FAM171B: variants seen among roughly 807,000 people sequenced by gnomAD.
The protein encoded by FAM171B is family with sequence similarity 171 member B.
In FAM171B, 19 loss-of-function variants were observed where a neutral mutation model predicts 75.6. That is an observed-to-expected ratio of 0.25 (90% confidence interval 0.18 to 0.37). The LOEUF (loss-of-function observed/expected upper bound fraction) is 0.37. Ranked by LOEUF, FAM171B falls within the 10% of genes least tolerant of loss-of-function variation. The pLI is 1.00. For synonymous variants in FAM171B, 367 were observed against 361.7 expected (o/e 1.01, Z -0.17); for missense variants, 848 against 982.4 (o/e 0.86, Z 1.83).
At chr2:186,742,609 C>A (rs918928285) in intron 2 of FAM171B, among the ~76,000 whole-genome samples, 2 of 151,986 alleles carry the variant, frequency 1.3e-5, no homozygotes. Flanking sequence ...ACTGTGTTTT[C>A]TCTTAAGAGA....
intron 3 of FAM171B, 121 bp downstream of exon 3, chr2:186,743,696 G>T: frequency 4.4e-6 from 3 of 674,434 alleles, no homozygotes; most frequent in Non-Finnish European, 7.7e-6. Flanking sequence ...AGTATGATTA[G>T]CACTGACTAT....
chr2:186,744,530 A>AT (rs1349860497), intron 3 of FAM171B, among the ~76,000 whole-genome samples: 5 of 152,008 alleles, frequency 3.3e-5, no homozygotes, highest in African/African-American at 9.7e-5. Flanking sequence ...TATTTGCCAG[A>AT]TTTTTTTTAT....
rs543531984 is a variant in FAM171B at position 186,764,165 on chromosome 2, C to T, written c.*1342C>T. ...TCCCTGAAGGCAAATGTCTGAAGCA[C>T]CTTTCCCTTGTGGGGGTAAAAATCC... On this transcript the variant is annotated 3_prime_UTR_variant, in exon 8 of 8. Coordinates refer to ENST00000304698, the MANE Select transcript of FAM171B (RefSeq NM_177454.4). 2 of 152,180 alleles carry T rather than the reference C, an allele frequency of 1.3e-5. No homozygotes were observed. The highest frequency in any genetic ancestry group is 6.6e-5 in the Admixed American group (1 of 15,254). The allele number at this position is 152,180 out of a possible 1,614,324, so 9.4% of individuals were successfully genotyped here.
intron 3 of FAM171B, among the ~76,000 whole-genome samples, chr2:186,745,543 C>T (rs947733405): frequency 1.3e-5 from 2 of 152,034 alleles, no homozygotes; most frequent in South Asian, 4.1e-4. Flanking sequence ...AAAAGGTGAC[C>T]CATTTGTAAG....
chr2:186,701,618 C>G (rs181931013), intron 1 of FAM171B, among the ~76,000 whole-genome samples: 1 of 152,212 alleles, frequency 6.6e-6, no homozygotes, highest in Admixed American at 6.5e-5. Flanking sequence ...TGAAATTAAC[C>G]AAGTAATCAT....
At chr2:186,748,437 G>A (rs1437556840) in intron 4 of FAM171B, among the ~76,000 whole-genome samples, 1 of 151,860 alleles carries the variant, frequency 6.6e-6, no homozygotes, top group Non-Finnish European at 1.5e-5. Flanking sequence ...TGCTATCAGT[G>A]CCCCAGCCAG....
At chr2:186,749,040 T>TATCA (rs1383959654) in intron 4 of FAM171B, among the ~76,000 whole-genome samples, 1 of 152,210 alleles carries the variant, frequency 6.6e-6, no homozygotes, top group Non-Finnish European at 1.5e-5. Flanking sequence ...AGAATGCTGC[T>TATCA]ATCATTTAAA....
At chr2:186,737,346 G>T (rs1267261807) in intron 1 of FAM171B, among the ~76,000 whole-genome samples, 1 of 152,156 alleles carries the variant, frequency 6.6e-6, no homozygotes, top group Non-Finnish European at 1.5e-5. Context: ...CTCAACATAT[G>T]TTAGTTTCTT....
chr2:186,712,083 T>A (rs546381362), intron 1 of FAM171B, among the ~76,000 whole-genome samples: 40 of 152,324 alleles, frequency 2.6e-4, no homozygotes, highest in African/African-American at 9.6e-4. Context: ...TATAAAAGCA[T>A]GTTGGTTCAT....
chr2:186,747,134 T>C lies in FAM171B; in HGVS notation c.608T>C (p.Ile203Thr). 2 of 1,605,508 alleles carry C rather than the reference T, an allele frequency of 1.2e-6. No homozygotes were observed. The highest frequency in any genetic ancestry group is 1.7e-6 in the Non-Finnish European group (2 of 1,176,838). ...AGTGTTCAGTTTTCAAAAGCCTTAATTAAACTTCCTGACAACCATCATATT... is the reference window on the plus strand; with the variant it reads ...AGTGTTCAGTTTTCAAAAGCCTTAACTAAACTTCCTGACAACCATCATATT... ...QPSVQFSKAL[I>T]KLPDNHHISN... Residue 203 changes from isoleucine to threonine, a missense_variant, in exon 4 of 8, where the codon ATT (isoleucine) becomes ACT (threonine). Ile to Thr is a moderately conservative substitution (Grantham distance 89). Coordinates refer to ENST00000304698, the MANE Select transcript of FAM171B (RefSeq NM_177454.4).
At position 186,764,788 on chromosome 2, in the gene FAM171B, G is replaced by A. The variant is rs547670495; in HGVS notation, c.*1965G>A. Reference sequence around the variant, plus strand: ...TAGTATTTCTTGTTTTTTGAATACAGTATATATTGATAAATTGTTTATGTT... The same window carrying A: ...TAGTATTTCTTGTTTTTTGAATACAATATATATTGATAAATTGTTTATGTT... On this transcript the variant is annotated 3_prime_UTR_variant, in exon 8 of 8. Transcript: ENST00000304698. 1.3e-5 allele frequency: 2 copies of A among 151,840 alleles called. No homozygotes were observed. Among genetic ancestry groups the A allele is most frequent in the African/African-American group, 4.8e-5 (2 of 41,476 alleles). The allele number at this position is 151,840 out of a possible 1,614,324, so 9.4% of individuals were successfully genotyped here. A position where few individuals can be genotyped will look rare whatever the true frequency, so the allele number is the denominator to read the frequency against.
rs777289340 is a variant in FAM171B at position 186,726,857 on chromosome 2, A to T, written c.239-13371A>T. ...GCTGTAATTATTATAGTAATGTAAA[A>T]TATTTTTCAATGTCAACTGTGGGAT... On this transcript the variant is annotated intron_variant, in intron 1 of 7. Coordinates refer to ENST00000304698, the MANE Select transcript of FAM171B (RefSeq NM_177454.4). Among the ~76,000 whole-genome samples the T allele has an allele frequency of 2.0e-4, 30 of 152,182 alleles. 1 individual carries two copies. Among genetic ancestry groups the T allele is most frequent in the Non-Finnish European group, 3.8e-4 (26 of 68,032 alleles).
In FAM171B at chr2:186,763,447, C is replaced by T. The variant is rs1690654066; in HGVS notation, c.*624C>T. ...GTCATTAGAGAGGGAGACACCAGCT[C>T]TTTGGTTGTTTTTGGATATAACTTT... On this transcript the variant is annotated 3_prime_UTR_variant, in exon 8 of 8. Transcript: ENST00000304698. 1 of 152,042 alleles carries T rather than the reference C, an allele frequency of 6.6e-6. No individual in the cohort carries two copies. Among genetic ancestry groups the T allele is most frequent in the Non-Finnish European group, 1.5e-5 (1 of 67,962 alleles). 9.4% of individuals were successfully genotyped at this position (152,042 alleles called of 1,614,324 possible).
At chr2:186,736,177 C>T (rs888799341) in intron 1 of FAM171B, among the ~76,000 whole-genome samples, 4 of 152,140 alleles carry the variant, frequency 2.6e-5, no homozygotes, top group Non-Finnish European at 5.9e-5. Flanking sequence ...TCAATCAATT[C>T]TTCCCATCTT....
rs74682550 is a variant in FAM171B, at chr2:186,761,368, A to G, written c.1137-111A>G. 3,318 of 1,429,904 alleles carry G rather than the reference A, an allele frequency of 2.3e-3. 80 individuals carry two copies. In the Admixed American group the frequency reaches 0.048, roughly 20 times the overall value. The allele number at this position is 1,429,904 out of a possible 1,614,324, so 88.6% of individuals were successfully genotyped here. On this transcript the variant is annotated intron_variant, in intron 7 of 7. Transcript: ENST00000304698. ...ATATCCTTTTTTATTTTTAATCTAC[A>G]TATCTCACAATAGCATTGCATGTAT...
intron 1 of FAM171B, among the ~76,000 whole-genome samples, chr2:186,733,801 G>A (rs142699748): frequency 4.6e-5 from 7 of 152,270 alleles, no homozygotes; most frequent in South Asian, 4.1e-4. Flanking sequence ...AGTGGCTTCC[G>A]CTACAGGCAC....
At chr2:186,751,408 C>G in intron 5 of FAM171B, 104 bp downstream of exon 5, 1 of 1,070,842 alleles carries the variant, frequency 9.3e-7, no homozygotes, top group Non-Finnish European at 1.3e-6. Context: ...TTTTTAGTAA[C>G]ATCACAAATG....
intron 1 of FAM171B, among the ~76,000 whole-genome samples, chr2:186,715,739 A>T (rs1388967175): frequency 6.6e-6 from 1 of 152,186 alleles, no homozygotes; most frequent in Non-Finnish European, 1.5e-5. Context: ...GCTGGAAAGT[A>T]ATAGAAATTT....
Position 186,694,407 on chromosome 2 carries a change from T to G in FAM171B, c.234T>G (p.Val78=), listed in dbSNP as rs778757094. The G allele has an allele frequency of 1.2e-6, 2 of 1,611,204 alleles. No individual in the cohort carries two copies. Among genetic ancestry groups the G allele is most frequent in the East Asian group, 2.2e-5 (1 of 44,764 alleles). Reference sequence around the variant, plus strand: ...CTGGGGCAACCTCCACCTTGACGGTTCCAGGTAGGTCCTGGCTGCCCAGCC... The same window carrying G: ...CTGGGGCAACCTCCACCTTGACGGTGCCAGGTAGGTCCTGGCTGCCCAGCC... The part of the protein sequence containing the change: ...EVPGATSTLT[V]PVSVFMLKVQ... Residue 78 remains valine (V), a synonymous_variant, in exon 1 of 8, where the codon GTT becomes GTG. Coordinates refer to ENST00000304698, the MANE Select transcript of FAM171B (RefSeq NM_177454.4).
Sources: allele counts gnomAD v4.1 joint callset (sites outside exome capture counted in the v4.1 genomes callset), GRCh38; gene constraint gnomAD v4.1.1; transcripts MANE v1.5; gene names NCBI Gene and HGNC (gene_info 2026-07-23, HGNC 2026-07-21).